The following MEIKIN variants were observed in gnomAD, a reference collection of about 807,000 sequenced individuals.
MEIKIN encodes the protein meiosis-specific kinetochore protein.
intron 9 of MEIKIN, among the ~76,000 whole-genome samples, chr5:131,877,308 G>C (rs1750632603): frequency 6.6e-6 from 1 of 152,050 alleles, no homozygotes; most frequent in Admixed American, 6.6e-5. Flanking sequence ...TCAAAAAGTA[G>C]CTCTTGCTAT....
intron 9 of MEIKIN, among the ~76,000 whole-genome samples, chr5:131,869,567 A>T (rs1750449693): frequency 6.6e-6 from 1 of 152,176 alleles, no homozygotes; most frequent in Admixed American, 6.5e-5. Flanking sequence ...AGGCCTTGTT[A>T]CAAAAAACAA....
intron 12 of MEIKIN, among the ~76,000 whole-genome samples, chr5:131,815,937 GATTA>G (rs1200463456): frequency 6.6e-6 from 1 of 152,206 alleles, no homozygotes; most frequent in African/African-American, 2.4e-5. Flanking sequence ...ACGATCACCT[GATTA>G]GTTAGGCAAG....
intron 8 of MEIKIN, among the ~76,000 whole-genome samples, chr5:131,879,886 G>T (rs1025818014): frequency 6.6e-6 from 1 of 151,972 alleles, no homozygotes; most frequent in Admixed American, 6.6e-5. Flanking sequence ...TGCCAATTTT[G>T]CCTATCATAT....
chr5:131,812,567 A>T (rs1397332254), intron 12 of MEIKIN, among the ~76,000 whole-genome samples: 1 of 152,234 alleles, frequency 6.6e-6, no homozygotes, highest in African/African-American at 2.4e-5. Flanking sequence ...CACAATGCCT[A>T]GTCAGCTTTT....
intron 9 of MEIKIN, among the ~76,000 whole-genome samples, chr5:131,871,063 C>A (rs759809361): frequency 6.6e-6 from 1 of 152,184 alleles, no homozygotes; most frequent in Non-Finnish European, 1.5e-5. Context: ...TCTACAGCTC[C>A]CAGCATGAGC....
intron 8 of MEIKIN, among the ~76,000 whole-genome samples, chr5:131,905,191 A>G (rs1002020224): frequency 1.3e-5 from 2 of 152,188 alleles, no homozygotes; most frequent in East Asian, 3.8e-4. Context: ...CTGCTCCTGA[A>G]CGACTTCTGG....
At chr5:131,886,534 A>G (rs1345468757) in intron 8 of MEIKIN, among the ~76,000 whole-genome samples, 1 of 152,236 alleles carries the variant, frequency 6.6e-6, no homozygotes, top group African/African-American at 2.4e-5. Context: ...AACAACTTTT[A>G]CTCTACAATA....
chr5:131,859,812 C>G (rs1318425438), intron 9 of MEIKIN, among the ~76,000 whole-genome samples: 1 of 152,136 alleles, frequency 6.6e-6, no homozygotes, highest in African/African-American at 2.4e-5. Flanking sequence ...GAGAGACTGT[C>G]CTTTCCCCCG....
chr5:131,856,733 T>C (rs1750198505), intron 9 of MEIKIN, among the ~76,000 whole-genome samples: 1 of 152,106 alleles, frequency 6.6e-6, no homozygotes, highest in Admixed American at 6.5e-5. Context: ...AACATCAGCT[T>C]GTATGCAGCT....
chr5:131,912,110 C>T (rs971393672), intron 7 of MEIKIN, among the ~76,000 whole-genome samples: 2 of 151,924 alleles, frequency 1.3e-5, no homozygotes, highest in African/African-American at 4.8e-5. Flanking sequence ...GAGGACAGGG[C>T]ATAGTGTTTA....
chr5:131,883,756 C>T (rs941686843), intron 8 of MEIKIN, among the ~76,000 whole-genome samples: 1 of 152,180 alleles, frequency 6.6e-6, no homozygotes, highest in Non-Finnish European at 1.5e-5. Flanking sequence ...AAAAGAGGCA[C>T]TGGAAAAGGT....
intron 9 of MEIKIN, among the ~76,000 whole-genome samples, chr5:131,868,597 G>C (rs1490136948): frequency 1.3e-5 from 2 of 151,564 alleles, no homozygotes; most frequent in Admixed American, 6.6e-5. Flanking sequence ...TTGAGACAGG[G>C]TATCACTCTG....
In MEIKIN at chr5:131,922,873, T is replaced by G. The variant is rs539009797; in HGVS notation, c.479-932A>C. Among the ~76,000 whole-genome samples the G allele has an allele frequency of 3.3e-5, 5 of 152,276 alleles. No individual in the cohort carries two copies. The East Asian group carries it at 9.6e-4, about 29-fold the overall frequency. On this transcript the variant is annotated intron_variant, in intron 5 of 12. Coordinates refer to ENST00000442687, the MANE Select transcript of MEIKIN (RefSeq NM_001303622.2). ...CTGGAGTCAATACAAGTCCCTTTCCTCATCTGTTTAGTTTTATACACACAC... is the reference window on the plus strand; with the variant it reads ...CTGGAGTCAATACAAGTCCCTTTCCGCATCTGTTTAGTTTTATACACACAC...
chr5:131,847,577 G>C (rs373535546), intron 11 of MEIKIN, among the ~76,000 whole-genome samples: 12 of 152,092 alleles, frequency 7.9e-5, no homozygotes, highest in East Asian at 5.8e-4. Context: ...AAAATAGACA[G>C]TTCTATAATA....
intron 11 of MEIKIN, among the ~76,000 whole-genome samples, chr5:131,825,716 TAC>T (rs1368974844): frequency 6.6e-6 from 1 of 152,204 alleles, no homozygotes. Context: ...ACCTCAGGCA[TAC>T]AGACATTCCT....
chr5:131,918,795 C>T (rs926208868), intron 6 of MEIKIN, among the ~76,000 whole-genome samples: 1 of 152,158 alleles, frequency 6.6e-6, no homozygotes, highest in Admixed American at 6.6e-5. Flanking sequence ...TGGGGCTACT[C>T]CTGCCCTATC....
Position 131,915,485 on chromosome 5 carries a change from C to A in MEIKIN, c.638+1401G>T, listed in dbSNP as rs562522975. Reference sequence around the variant, plus strand: ...GGCTACGTAAGGTCTGCCCCTATTCCTAAACACTTAACATTTAGGGTGACT... The same window carrying A: ...GGCTACGTAAGGTCTGCCCCTATTCATAAACACTTAACATTTAGGGTGACT... On this transcript the variant is annotated intron_variant, in intron 7 of 12. Transcript: ENST00000442687. Among the ~76,000 whole-genome samples, 7 of 152,268 alleles carry A rather than the reference C, an allele frequency of 4.6e-5. No homozygotes were observed. The South Asian group carries it at 1.5e-3, about 32-fold the overall frequency.
At position 131,848,186 on chromosome 5, in the gene MEIKIN, C is replaced by T. The variant is rs115030257; in HGVS notation, c.975+3078G>A. Among the ~76,000 whole-genome samples, 717 of 151,954 alleles carry T rather than the reference C, an allele frequency of 4.7e-3. 4 individuals carry two copies. The highest frequency in any genetic ancestry group is 0.017 in the African/African-American group (685 of 41,480). The stretch of plus-strand genomic sequence containing the variant: ...TGGAAATAATAAAGATTAGAGCAGA[C>T]AGAAACAAAATAGAGAATAGAAAAT... On this transcript the variant is annotated intron_variant, in intron 11 of 12. Transcript: ENST00000442687.
At chr5:131,901,409 C>T (rs186407513) in intron 8 of MEIKIN, among the ~76,000 whole-genome samples, 2 of 152,094 alleles carry the variant, frequency 1.3e-5, no homozygotes, top group South Asian at 4.2e-4. Flanking sequence ...GGGGCCTGTT[C>T]CCCCCTGTGC....
Sources: gnomAD v4.1 joint callset for allele counts (sites outside exome capture counted in the v4.1 genomes callset) on GRCh38, gnomAD v4.1.1 for gene constraint, MANE v1.5 for transcripts, NCBI Gene and HGNC (gene_info 2026-07-23, HGNC 2026-07-21) for gene names.